Variants in GABPB2 observed in about 807,000 individuals in gnomAD.
GABPB2 encodes GA binding protein transcription factor subunit beta 2.
A neutral mutation model predicts 39.1 loss-of-function variants in GABPB2; 23 were observed. The observed-to-expected ratio is 0.59, with a 90% CI of 0.42 to 0.83. GABPB2 has a LOEUF of 0.83. GABPB2 is among the 40% of genes least tolerant of loss of function. GABPB2 has a pLI of 0.00. For missense variants in GABPB2, 467 were observed against 541.1 expected, an observed-to-expected ratio of 0.86 and a Z score of 1.36; for synonymous variants, 184 against 199.3, an observed-to-expected ratio of 0.92 and a Z score of 0.65.
chr1:151,107,943 AAAAGG>A (rs1680101322), intron 7 of GABPB2, among the ~76,000 whole-genome samples: 1 of 152,088 alleles, frequency 6.6e-6, no homozygotes, highest in Non-Finnish European at 1.5e-5. Flanking sequence ...TTTAAAAAAA[AAAAGG>A]AAAGAAAGAA....
chr1:151,077,656 T>TA (rs796257484), intron 1 of GABPB2, among the ~76,000 whole-genome samples: 36 of 147,892 alleles, frequency 2.4e-4, no homozygotes, highest in African/African-American at 4.2e-4. Context: ...GGCTCAGCTT[T>TA]AAAAAAAAAA....
rs1254257702 is a variant in GABPB2, at chr1:151,106,936, G to A, written c.737-101G>A. 4 of 663,576 alleles carry A rather than the reference G, an allele frequency of 6.0e-6. No homozygotes were observed. In the South Asian group the frequency reaches 1.3e-4, roughly 21 times the overall value. 41.1% of individuals were successfully genotyped at this position (663,576 alleles called of 1,614,324 possible). On this transcript the variant is annotated intron_variant, in intron 6 of 8. Coordinates refer to ENST00000368918, the MANE Select transcript of GABPB2 (RefSeq NM_144618.3). ...TGAATCTCACTTTTTTTTTTCAAAT[G>A]TTCCTCTCCCTGAATGTTGTCAGGT...
At chr1:151,109,319 C>T (rs796506429) in intron 7 of GABPB2, among the ~76,000 whole-genome samples, 2 of 52,174 alleles carry the variant, frequency 3.8e-5, no homozygotes, top group African/African-American at 8.4e-5. Context: ...TATATATATA[C>T]ACACAAATAT....
intron 1 of GABPB2, among the ~76,000 whole-genome samples, chr1:151,085,267 G>T (rs1253485137): frequency 1.3e-5 from 2 of 151,794 alleles, no homozygotes; most frequent in East Asian, 3.9e-4. Flanking sequence ...CATGGTGATG[G>T]GTGCCTGTAA....
intron 1 of GABPB2, 42 bp from the exon 2 acceptor site, chr1:151,088,148 C>G: frequency 1.4e-6 from 2 of 1,393,196 alleles, no homozygotes; most frequent in East Asian, 2.3e-5. Flanking sequence ...TCCTTATGTT[C>G]GAGTTATAGC....
chr1:151,074,255 G>A (rs1169240331), intron 1 of GABPB2, among the ~76,000 whole-genome samples: 3 of 148,864 alleles, frequency 2.0e-5, no homozygotes, highest in East Asian at 2.0e-4. Flanking sequence ...GATTACAGGC[G>A]TGAGCCACCG....
At chr1:151,099,243 G>C (rs1327270762) in intron 5 of GABPB2, among the ~76,000 whole-genome samples, 2 of 150,918 alleles carry the variant, frequency 1.3e-5, no homozygotes, top group African/African-American at 4.9e-5. Context: ...TGTTTCCCAG[G>C]CTGGAGTGCA....
intron 1 of GABPB2, among the ~76,000 whole-genome samples, chr1:151,085,399 A>G (rs1344349796): frequency 1.3e-5 from 2 of 152,182 alleles, no homozygotes; most frequent in African/African-American, 4.8e-5. Context: ...CTCTGTCTCA[A>G]AAATAAAATA....
In GABPB2 at chr1:151,107,200, A is replaced by T; in HGVS notation, c.900A>T (p.Val300=). 1.3e-6 allele frequency: 2 copies of T among 1,596,618 alleles called. No individual in the cohort carries two copies. The highest frequency in any genetic ancestry group is 1.7e-6 in the Non-Finnish European group (2 of 1,174,158). Residue 300 remains valine (V), a synonymous_variant, in exon 7 of 9, where the codon GTA becomes GTT. Coordinates refer to ENST00000368918, the MANE Select transcript of GABPB2 (RefSeq NM_144618.3). ...GAGGCATTGGCCAGCCATTTATTGT[A>T]ACTGTGCAAGATGGACAGCAAGGTG... ...PTGGIGQPFI[V]TVQDGQQVLT...
In GABPB2 at chr1:151,088,300, A is replaced by G. The variant is rs754809917; in HGVS notation, c.108+3A>G. On this transcript the variant is annotated splice_donor_region_variant and intron_variant, in intron 2 of 8. Transcript: ENST00000368918. Reference sequence around the variant, plus strand: ...GCGCCCCATTCACCACAGACTGGGTAAGCTTAGAGGAGAGGTCTCTTAATT... The same window carrying G: ...GCGCCCCATTCACCACAGACTGGGTGAGCTTAGAGGAGAGGTCTCTTAATT... 2 of 1,606,128 alleles carry G rather than the reference A, an allele frequency of 1.2e-6. No homozygotes were observed. Among genetic ancestry groups the G allele is most frequent in the Non-Finnish European group, 1.7e-6 (2 of 1,173,632 alleles).
chr1:151,117,584 C>T, intron 8 of GABPB2, 68 bp downstream of exon 8: 1 of 1,531,684 alleles, frequency 6.5e-7, no homozygotes, highest in Non-Finnish European at 8.9e-7. Context: ...CCTTCTTCAT[C>T]TTTTCTTTTT....
chr1:151,112,119 G>A (rs1417497334), intron 7 of GABPB2: 1 of 146,574 alleles, frequency 6.8e-6, no homozygotes. Flanking sequence ...AGCTACTCGG[G>A]AGGCTGAGGC....
intron 5 of GABPB2, among the ~76,000 whole-genome samples, chr1:151,101,775 TA>T (rs1017104647): frequency 2.0e-4 from 31 of 152,256 alleles, no homozygotes; most frequent in African/African-American, 7.5e-4. Flanking sequence ...GTAACTGGCA[TA>T]ATAGGTATCT....
At chr1:151,072,111 C>G (rs990553214) in intron 1 of GABPB2, among the ~76,000 whole-genome samples, 2 of 152,214 alleles carry the variant, frequency 1.3e-5, no homozygotes, top group South Asian at 2.1e-4. Context: ...TATTTTCACA[C>G]GTGCTTTGAT....
At position 151,074,546 on chromosome 1, in the gene GABPB2, C is replaced by T. The variant is rs1440136805; in HGVS notation, c.-1+3612C>T. On this transcript the variant is annotated intron_variant, in intron 1 of 8. Transcript: ENST00000368918. ...ACGTTAGCCAGGATGGTCTCGATCT[C>T]CTGACCTCATGAGCCGCCCTCCTCA... Among the ~76,000 whole-genome samples the T allele has an allele frequency of 2.0e-5, 3 of 149,982 alleles. No individual in the cohort carries two copies. The East Asian group carries it at 6.0e-4, about 30-fold the overall frequency.
chr1:151,084,532 GTTTTTTTTTTT>G lies in GABPB2; in HGVS notation c.1-3648_1-3638del, dbSNP rs759845986. Reference sequence around the variant, plus strand: ...TGAGCCACCGCGCCCGGCCCTAGCTGTTTTTTTTTTTTTTTTTTTTGAGACGGAGTCTCACT... The same window carrying G: ...TGAGCCACCGCGCCCGGCCCTAGCTGTTTTTTTTTGAGACGGAGTCTCACT... On this transcript the variant is annotated intron_variant, in intron 1 of 8. Coordinates refer to ENST00000368918, the MANE Select transcript of GABPB2 (RefSeq NM_144618.3). Among the ~76,000 whole-genome samples, 3 of 98,614 alleles carry G rather than the reference GTTTTTTTTTTT, an allele frequency of 3.0e-5. No homozygotes were observed. The East Asian group carries it at 9.5e-4, about 31-fold the overall frequency. The allele number at this position is 98,614 out of a possible 152,430, so 64.7% of individuals were successfully genotyped here.
intron 7 of GABPB2, among the ~76,000 whole-genome samples, chr1:151,111,405 C>T (rs1212349687): frequency 6.7e-6 from 1 of 148,486 alleles, no homozygotes; most frequent in Non-Finnish European, 1.5e-5. Flanking sequence ...CCACCGCCCC[C>T]CACTAATTTT....
chr1:151,077,020 C>T (rs957737404), intron 1 of GABPB2, among the ~76,000 whole-genome samples: 14 of 151,530 alleles, frequency 9.2e-5, no homozygotes, highest in African/African-American at 3.4e-4. Flanking sequence ...GTCTCAATCT[C>T]CTGACCTCGT....
chr1:151,111,234 G>A (rs767888687), intron 7 of GABPB2, among the ~76,000 whole-genome samples: 6 of 151,274 alleles, frequency 4.0e-5, no homozygotes, highest in African/African-American at 7.3e-5. Flanking sequence ...TACAGCTCCC[G>A]AAATTTTTTT....
Sources: gnomAD v4.1 joint callset for allele counts (sites outside exome capture counted in the v4.1 genomes callset) on GRCh38, gnomAD v4.1.1 for gene constraint, MANE v1.5 for transcripts, NCBI Gene and HGNC (gene_info 2026-07-23, HGNC 2026-07-21) for gene names.